The following CCM2 variants were observed in gnomAD, a reference collection of about 807,000 sequenced individuals.
CCM2 encodes the protein cerebral cavernous malformations 2 protein.
A neutral mutation model predicts 44.9 loss-of-function variants in CCM2; 25 were observed. The observed-to-expected ratio is 0.56, with a 90% CI of 0.41 to 0.78. CCM2 has a LOEUF of 0.78. Ranked by LOEUF, CCM2 falls within the 30% of genes least tolerant of loss-of-function variation. CCM2 has a pLI of 0.00. For missense variants in CCM2, 481 were observed against 580.6 expected, an observed-to-expected ratio of 0.83 and a Z score of 1.76; for synonymous variants, 219 against 241.1, an observed-to-expected ratio of 0.91 and a Z score of 0.85.
intron 1 of CCM2, chr7:45,027,155 A>C (rs1008097938): frequency 4.9e-6 from 1 of 204,430 alleles, no homozygotes; most frequent in Non-Finnish European, 1.0e-5. Context: ...GCCCTGCCCA[A>C]GCCCCACCTG....
chr7:45,065,274 C>T (rs951936887), intron 4 of CCM2, among the ~76,000 whole-genome samples: 1 of 152,232 alleles, frequency 6.6e-6, no homozygotes, highest in South Asian at 2.1e-4. Flanking sequence ...CCAGCCCAGG[C>T]ATTCAGGCCA....
intron 1 of CCM2, among the ~76,000 whole-genome samples, chr7:45,005,365 C>T (rs1189483738): frequency 1.3e-5 from 2 of 152,170 alleles, no homozygotes; most frequent in African/African-American, 2.4e-5. Flanking sequence ...CAGAACCTTC[C>T]AGGGCTGCTC....
Position 45,073,455 on chromosome 7 carries a change from C to T in CCM2, c.804-5C>T, listed in dbSNP as rs145003686. 4,553 of 1,610,566 alleles carry T rather than the reference C, an allele frequency of 2.8e-3. 12 individuals carry two copies. The highest frequency in any genetic ancestry group is 3.6e-3 in the Non-Finnish European group (4,184 of 1,177,240). On this transcript the variant is annotated splice_region_variant and splice_polypyrimidine_tract_variant and intron_variant, in intron 7 of 9. Transcript: ENST00000258781. Reference sequence around the variant, plus strand: ...CACCCGCTCACATACCACATTCTTTCGCAGCTGCTTCCCTGAATCTGTGGA... The same window carrying T: ...CACCCGCTCACATACCACATTCTTTTGCAGCTGCTTCCCTGAATCTGTGGA...
chr7:45,013,964 A>G (rs916051511), intron 1 of CCM2, among the ~76,000 whole-genome samples: 2 of 152,128 alleles, frequency 1.3e-5, no homozygotes, highest in African/African-American at 4.8e-5. Context: ...TTACTTGGTT[A>G]AGATAGTCTT....
At chr7:45,053,202 A>G (rs139907963) in intron 2 of CCM2, among the ~76,000 whole-genome samples, 3 of 152,274 alleles carry the variant, frequency 2.0e-5, no homozygotes, top group African/African-American at 4.8e-5. Context: ...TGCAGTTCCT[A>G]TGGTACTTTT....
At chr7:45,054,046 T>A (rs948176335) in intron 2 of CCM2, among the ~76,000 whole-genome samples, 3 of 152,126 alleles carry the variant, frequency 2.0e-5, no homozygotes, top group African/African-American at 7.2e-5. Flanking sequence ...GTAGAGAAGA[T>A]CTCTCATTCA....
chr7:45,064,110 A>G, intron 3 of CCM2, 109 bp downstream of exon 3: 4 of 760,034 alleles, frequency 5.3e-6, no homozygotes, highest in Non-Finnish European at 9.2e-6. Context: ...CCATCACATT[A>G]TGGGTACACT....
intron 1 of CCM2, among the ~76,000 whole-genome samples, chr7:45,002,051 G>A (rs368785175): frequency 6.6e-6 from 1 of 152,134 alleles, no homozygotes; most frequent in Non-Finnish European, 1.5e-5. Flanking sequence ...ACACTACCTC[G>A]TGTACTCTGC....
At chr7:45,018,380 T>C (rs1056310294) in intron 1 of CCM2, among the ~76,000 whole-genome samples, 101 of 152,250 alleles carry the variant, frequency 6.6e-4, no homozygotes, top group African/African-American at 2.2e-3. Context: ...TATTTTGAGA[T>C]AGAGTCTCGC....
intron 1 of CCM2, among the ~76,000 whole-genome samples, chr7:45,012,399 G>A (rs7786240): frequency 0.039 from 5,919 of 152,158 alleles, 381 homozygotes; most frequent in African/African-American, 0.13. Context: ...CTCCCAAAGT[G>A]CTGGGATTAC....
At chr7:45,016,850 C>G (rs1796286166) in intron 1 of CCM2, among the ~76,000 whole-genome samples, 1 of 152,204 alleles carries the variant, frequency 6.6e-6, no homozygotes, top group African/African-American at 2.4e-5. Flanking sequence ...CCAGGCTGAT[C>G]TCTAACTCCT....
chr7:45,005,834 C>T (rs1281962815), intron 1 of CCM2, among the ~76,000 whole-genome samples: 4 of 152,178 alleles, frequency 2.6e-5, no homozygotes, highest in African/African-American at 9.7e-5. Context: ...AGGTTGAGAC[C>T]GGGACTGTGT....
At chr7:45,014,265 G>A (rs983895142) in intron 1 of CCM2, among the ~76,000 whole-genome samples, 15 of 151,514 alleles carry the variant, frequency 9.9e-5, no homozygotes, top group Non-Finnish European at 1.3e-4. Flanking sequence ...TCAGCCTCCC[G>A]AGCAGCTGGG....
intron 4 of CCM2, 114 bp from the exon 5 acceptor site, chr7:45,068,329 T>A: frequency 1.4e-6 from 2 of 1,387,846 alleles, no homozygotes; most frequent in Non-Finnish European, 2.0e-6. Context: ...TGTGGGTGCC[T>A]GAGCCAGGTA....
chr7:45,038,791 A>G (rs906481513), intron 2 of CCM2, among the ~76,000 whole-genome samples: 4 of 152,208 alleles, frequency 2.6e-5, no homozygotes, highest in African/African-American at 7.2e-5. Flanking sequence ...ATGACCTTGC[A>G]GGTCTAACAG....
At chr7:45,066,175 G>C (rs548114665) in intron 4 of CCM2, among the ~76,000 whole-genome samples, 1 of 152,320 alleles carries the variant, frequency 6.6e-6, no homozygotes, top group Admixed American at 6.5e-5. Flanking sequence ...GTCTTTGAGA[G>C]AACTTTTGAT....
At chr7:45,068,264 C>G in intron 4 of CCM2, 179 bp from the exon 5 acceptor site, 1 of 747,126 alleles carries the variant, frequency 1.3e-6, no homozygotes, top group South Asian at 1.6e-5. Context: ...CGTGTTCCCA[C>G]CCTTATTTAG....
chr7:45,071,865 A>G (rs768551877), intron 6 of CCM2: 1 of 456,684 alleles, frequency 2.2e-6, no homozygotes, highest in South Asian at 1.5e-5. Context: ...TCATCTCCCT[A>G]TTTCAAGGTC....
At chr7:45,027,537 A>C in intron 1 of CCM2, 2 of 1,300,780 alleles carry the variant, frequency 1.5e-6, no homozygotes, top group Non-Finnish European at 2.1e-6. Context: ...TTTTGCCAAC[A>C]GTTTCTGGGT....
Sources: gnomAD v4.1 joint callset for allele counts (sites outside exome capture counted in the v4.1 genomes callset) on GRCh38, gnomAD v4.1.1 for gene constraint, MANE v1.5 for transcripts, NCBI Gene and HGNC (gene_info 2026-07-23, HGNC 2026-07-21) for gene names.